LRRC1: variants seen among roughly 807,000 people sequenced by gnomAD.
LRRC1 encodes the protein leucine-rich repeat-containing protein 1.
A neutral mutation model predicts 69.9 loss-of-function variants in LRRC1; 28 were observed. That is an observed-to-expected ratio of 0.40 (90% confidence interval 0.30 to 0.55). The LOEUF (loss-of-function observed/expected upper bound fraction) is 0.55. Ranked by LOEUF, LRRC1 falls within the 20% of genes least tolerant of loss-of-function variation. The probability of loss-of-function intolerance (pLI) is 0.47; values close to 1 mark genes in which losing one functional copy is unlikely to be tolerated. For missense variants in LRRC1, 498 were observed against 609.0 expected (o/e 0.82, Z 1.92); for synonymous variants, 236 against 240.2 (o/e 0.98, Z 0.16).
Position 53,899,126 on chromosome 6 carries a change from T to G in LRRC1, c.643-621T>G, listed in dbSNP as rs186345191. ...AGAGAGAAAGCTTGCACTTTGGGAA[T>G]AGAAGAAAAGGTAGGTCTTGAATAG... is the stretch of plus-strand genomic sequence containing the variant. On this transcript the variant is annotated intron_variant, in intron 7 of 13. Coordinates refer to ENST00000370888, the MANE Select transcript of LRRC1 (RefSeq NM_018214.5). 6.6e-5 allele frequency among the ~76,000 whole-genome samples: 10 copies of G among 152,292 alleles called. 1 individual carries two copies. The highest frequency in any genetic ancestry group is 3.4e-3 in the Middle Eastern group (1 of 294).
intron 4 of LRRC1, 60 bp downstream of exon 4, chr6:53,883,036 C>G: frequency 2.0e-6 from 2 of 997,128 alleles, no homozygotes; most frequent in Non-Finnish European, 3.1e-6. Flanking sequence ...ATCATCAGCT[C>G]TAGCCTCCTT....
At chr6:53,898,682 A>G (rs1478428449) in intron 7 of LRRC1, among the ~76,000 whole-genome samples, 1 of 152,250 alleles carries the variant, frequency 6.6e-6, no homozygotes, top group Non-Finnish European at 1.5e-5. Flanking sequence ...ATACAAAGGC[A>G]TTGTTAAAAG....
At chr6:53,795,489 C>T (rs112304050) in intron 1 of LRRC1, 74 bp downstream of exon 1, 9 of 1,432,926 alleles carry the variant, frequency 6.3e-6, no homozygotes, top group African/African-American at 5.7e-5. Flanking sequence ...TCTCTCGTCC[C>T]CTCTTCCATC....
intron 3 of LRRC1, among the ~76,000 whole-genome samples, chr6:53,882,083 T>A (rs1304122801): frequency 6.6e-6 from 1 of 152,176 alleles, no homozygotes; most frequent in East Asian, 1.9e-4. Context: ...TCGCGGTGGC[T>A]CACACCTGTA....
At chr6:53,889,730 T>A (rs1168023679) in intron 4 of LRRC1, among the ~76,000 whole-genome samples, 1 of 152,190 alleles carries the variant, frequency 6.6e-6, no homozygotes, top group Non-Finnish European at 1.5e-5. Flanking sequence ...CTATACCTCC[T>A]GAATAAATAT....
At chr6:53,889,376 G>T (rs1767601092) in intron 4 of LRRC1, among the ~76,000 whole-genome samples, 1 of 151,948 alleles carries the variant, frequency 6.6e-6, no homozygotes, top group Admixed American at 6.6e-5. Context: ...CAAAAGAATT[G>T]AAAACCTAGG....
At chr6:53,800,247 CTTTTTTTTTTTT>C (rs55960000) in intron 1 of LRRC1, among the ~76,000 whole-genome samples, 8 of 89,552 alleles carry the variant, frequency 8.9e-5, no homozygotes, top group African/African-American at 1.8e-4. Context: ...GTTTCTTTTT[CTTTTTTTTTTTT>C]TTTTTTTTTT....
At chr6:53,851,811 A>G (rs1390742558) in intron 2 of LRRC1, among the ~76,000 whole-genome samples, 3 of 152,220 alleles carry the variant, frequency 2.0e-5, no homozygotes, top group African/African-American at 7.2e-5. Flanking sequence ...GCCTGTCCAA[A>G]GAGGACAGGG....
chr6:53,803,918 A>C (rs1053170735), intron 1 of LRRC1, among the ~76,000 whole-genome samples: 1 of 152,096 alleles, frequency 6.6e-6, no homozygotes, highest in Admixed American at 6.5e-5. Context: ...GGGAAGAGAT[A>C]ATCTGGAGGG....
chr6:53,857,534 A>C (rs1303344275), intron 2 of LRRC1, among the ~76,000 whole-genome samples: 1 of 152,236 alleles, frequency 6.6e-6, no homozygotes, highest in African/African-American at 2.4e-5. Context: ...ACTGGTGAAA[A>C]GAAACTTGAG....
At chr6:53,858,626 T>C (rs913205962) in intron 2 of LRRC1, among the ~76,000 whole-genome samples, 2 of 152,242 alleles carry the variant, frequency 1.3e-5, no homozygotes, top group African/African-American at 4.8e-5. Context: ...CTTGGGACCA[T>C]TGTTTCCATC....
intron 2 of LRRC1, among the ~76,000 whole-genome samples, chr6:53,862,647 C>G (rs906372187): frequency 6.6e-6 from 1 of 152,178 alleles, no homozygotes; most frequent in Non-Finnish European, 1.5e-5. Flanking sequence ...AAGGCCGTCT[C>G]TCTTTCCTGC....
intron 10 of LRRC1, among the ~76,000 whole-genome samples, chr6:53,907,695 G>A (rs938929650): frequency 6.8e-6 from 1 of 147,710 alleles, no homozygotes; most frequent in Non-Finnish European, 1.5e-5. Context: ...TGCTTTGTGT[G>A]CTCTTCATTG....
chr6:53,841,275 A>G (rs1000679376), intron 1 of LRRC1, among the ~76,000 whole-genome samples: 1 of 152,174 alleles, frequency 6.6e-6, no homozygotes, highest in Non-Finnish European at 1.5e-5. Context: ...TTAACTGTTC[A>G]TTATATAAAT....
chr6:53,895,576 G>A (rs1767843694), intron 4 of LRRC1, among the ~76,000 whole-genome samples: 1 of 152,188 alleles, frequency 6.6e-6, no homozygotes, highest in South Asian at 2.1e-4. Flanking sequence ...GGTGATATTA[G>A]CAAAATGTGA....
rs533124493 is a variant in LRRC1 at position 53,840,584 on chromosome 6, C to T, written c.160-1526C>T. 1.7e-4 allele frequency among the ~76,000 whole-genome samples: 26 copies of T among 152,010 alleles called. 1 individual carries two copies. In the South Asian group the frequency reaches 4.2e-3, roughly 24 times the overall value. ...AATTACTTTGTAGTACCTTGTGAAC[C>T]GGTCCATTAGTTTTCCTCTCTTTTT... On this transcript the variant is annotated intron_variant, in intron 1 of 13. Coordinates refer to ENST00000370888, the MANE Select transcript of LRRC1 (RefSeq NM_018214.5).
intron 2 of LRRC1, among the ~76,000 whole-genome samples, chr6:53,863,546 A>G (rs903907754): frequency 3.3e-5 from 5 of 152,184 alleles, no homozygotes; most frequent in African/African-American, 4.8e-5. Flanking sequence ...TGCCTTCTGA[A>G]GAAGGACTTT....
chr6:53,887,859 G>A (rs1382397145), intron 4 of LRRC1, among the ~76,000 whole-genome samples: 1 of 152,188 alleles, frequency 6.6e-6, no homozygotes, highest in African/African-American at 2.4e-5. Flanking sequence ...GCATGGGAGA[G>A]CATGCAGTGG....
intron 2 of LRRC1, among the ~76,000 whole-genome samples, chr6:53,867,123 C>G (rs2127425401): frequency 6.6e-6 from 1 of 152,070 alleles, no homozygotes; most frequent in East Asian, 1.9e-4. Flanking sequence ...TGGACGAGTC[C>G]CTTACCCATT....
Sources: gnomAD v4.1 joint callset for allele counts (sites outside exome capture counted in the v4.1 genomes callset) on GRCh38, gnomAD v4.1.1 for gene constraint, MANE v1.5 for transcripts, NCBI Gene and HGNC (gene_info 2026-07-23, HGNC 2026-07-21) for gene names.